ARHGEF28: variants seen among roughly 807,000 people sequenced by gnomAD.
ARHGEF28 encodes 190 kDa guanine nucleotide exchange factor.
ARHGEF28 carries 152 observed loss-of-function variants against 206.6 expected under a neutral mutation model. The observed-to-expected ratio is 0.74, with a 90% confidence interval of 0.64 to 0.84. The LOEUF (loss-of-function observed/expected upper bound fraction) is 0.84. ARHGEF28 is among the 40% of genes least tolerant of loss of function. ARHGEF28 has a pLI of 0.00. For synonymous variants in ARHGEF28, 763 were observed against 776.4 expected (o/e 0.98, Z 0.29); for missense variants, 2,028 against 2,073.2 (o/e 0.98, Z 0.42).
At chr5:73,677,547 C>T (rs1371542203) in intron 1 of ARHGEF28, among the ~76,000 whole-genome samples, 1 of 152,130 alleles carries the variant, frequency 6.6e-6, no homozygotes, top group African/African-American at 2.4e-5. Context: ...GATATTTTTC[C>T]ATGTAAATGT....
chr5:73,676,952 AT>A (rs1397633904), intron 1 of ARHGEF28, among the ~76,000 whole-genome samples: 3 of 152,242 alleles, frequency 2.0e-5, no homozygotes, highest in African/African-American at 7.2e-5. Context: ...TCATGATACT[AT>A]TCTTTATTAA....
At chr5:73,673,307 T>A (rs148103922) in intron 1 of ARHGEF28, among the ~76,000 whole-genome samples, 43 of 152,330 alleles carry the variant, frequency 2.8e-4, no homozygotes, top group African/African-American at 9.4e-4. Flanking sequence ...TAAGGAACTG[T>A]GAGTCAGCAT....
Position 73,911,271 on chromosome 5 carries a change from A to G in ARHGEF28, c.4648-4A>G. ...TTGTACTTTTCCTCTGTTTCTTTAC[A>G]CAGGTAATGGAACTTAATCGATCTG... On this transcript the variant is annotated splice_polypyrimidine_tract_variant and splice_region_variant and intron_variant, in intron 34 of 35. Transcript: ENST00000513042. 6.4e-7 allele frequency: 1 copy of G among 1,574,198 alleles called. No individual in the cohort carries two copies. Among genetic ancestry groups the G allele is most frequent in the Non-Finnish European group, 8.6e-7 (1 of 1,156,692 alleles).
chr5:73,844,739 A>C (rs1486574071), intron 11 of ARHGEF28, among the ~76,000 whole-genome samples: 1 of 147,176 alleles, frequency 6.8e-6, no homozygotes, highest in Non-Finnish European at 1.5e-5. Context: ...TTTTGTTATT[A>C]AAATTATAAC....
At chr5:73,795,602 G>T (rs1017471588) in intron 9 of ARHGEF28, 2 of 473,828 alleles carry the variant, frequency 4.2e-6, no homozygotes, top group African/African-American at 2.4e-5. Flanking sequence ...AAAAAACAAG[G>T]CAATCAAAGC....
At chr5:73,900,992 G>A in intron 30 of ARHGEF28, 192 bp from the exon 31 acceptor site, 1 of 507,174 alleles carries the variant, frequency 2.0e-6, no homozygotes, top group Non-Finnish European at 3.6e-6. Context: ...TAGCGTGTAA[G>A]CCCCATGTGG....
intron 4 of ARHGEF28, among the ~76,000 whole-genome samples, chr5:73,769,201 A>G (rs551758849): frequency 4.8e-4 from 73 of 152,092 alleles, no homozygotes; most frequent in African/African-American, 1.6e-3. Context: ...GTATATATAT[A>G]TGTGTGTGTG....
At chr5:73,750,953 A>G (rs1751990165) in intron 3 of ARHGEF28, among the ~76,000 whole-genome samples, 1 of 152,240 alleles carries the variant, frequency 6.6e-6, no homozygotes, top group African/African-American at 2.4e-5. Context: ...CAAACAACAC[A>G]GACACAGTGA....
rs568395619 is a variant in ARHGEF28, at chr5:73,674,581, C to G, written c.-11-10260C>G. Among the ~76,000 whole-genome samples, 3 of 152,322 alleles carry G rather than the reference C, an allele frequency of 2.0e-5. No homozygotes were observed. The South Asian group carries it at 6.2e-4, about 32-fold the overall frequency. On this transcript the variant is annotated intron_variant, in intron 1 of 35. Transcript: ENST00000513042. Reference sequence around the variant, plus strand: ...ATACAATGCCTAAACTCCTTAGAATCTCCCAAATGATGTATTTTTTATGCT... The same window carrying G: ...ATACAATGCCTAAACTCCTTAGAATGTCCCAAATGATGTATTTTTTATGCT...
intron 4 of ARHGEF28, among the ~76,000 whole-genome samples, chr5:73,761,821 G>T (rs1308436373): frequency 6.6e-6 from 1 of 152,008 alleles, no homozygotes; most frequent in African/African-American, 2.4e-5. Flanking sequence ...CTTAGAATTT[G>T]CTCAGCTCAA....
At chr5:73,895,536 T>A (rs1441948958) in intron 29 of ARHGEF28, among the ~76,000 whole-genome samples, 5 of 151,852 alleles carry the variant, frequency 3.3e-5, no homozygotes, top group Non-Finnish European at 7.4e-5. Context: ...GAGATGGAGA[T>A]AATGGTCTGA....
chr5:73,822,758 C>T (rs969543951), intron 9 of ARHGEF28, among the ~76,000 whole-genome samples: 4 of 152,058 alleles, frequency 2.6e-5, no homozygotes, highest in Admixed American at 1.3e-4. Context: ...GAGTAGCTTG[C>T]GTATACAGAC....
chr5:73,833,390 C>T (rs942959645), intron 10 of ARHGEF28, among the ~76,000 whole-genome samples: 2 of 151,810 alleles, frequency 1.3e-5, no homozygotes, highest in African/African-American at 4.8e-5. Flanking sequence ...AATTTCAGCC[C>T]TTCAGTAGCA....
intron 33 of ARHGEF28, 29 bp downstream of exon 33, chr5:73,904,434 T>C: frequency 6.3e-7 from 1 of 1,579,414 alleles, no homozygotes; most frequent in Non-Finnish European, 8.6e-7. Flanking sequence ...TCTTTGACCT[T>C]GTGAATGGTT....
chr5:73,848,530 T>C (rs1325140265), intron 12 of ARHGEF28, among the ~76,000 whole-genome samples: 1 of 152,184 alleles, frequency 6.6e-6, no homozygotes, highest in Admixed American at 6.5e-5. Context: ...AAAAATCTCT[T>C]ATAATTGTAA....
intron 2 of ARHGEF28, among the ~76,000 whole-genome samples, chr5:73,693,792 G>A (rs1398926567): frequency 6.6e-6 from 1 of 152,180 alleles, no homozygotes; most frequent in Non-Finnish European, 1.5e-5. Context: ...TTCTTTGCTG[G>A]CTTTTGTTTT....
At chr5:73,734,675 T>C (rs1750807220) in intron 2 of ARHGEF28, among the ~76,000 whole-genome samples, 1 of 152,164 alleles carries the variant, frequency 6.6e-6, no homozygotes, top group South Asian at 2.1e-4. Context: ...GGAAAATGAG[T>C]GCTCTGTTGA....
At chr5:73,888,857 A>G (rs765353216) in intron 26 of ARHGEF28, among the ~76,000 whole-genome samples, 6 of 152,198 alleles carry the variant, frequency 3.9e-5, no homozygotes, top group Non-Finnish European at 7.3e-5. Flanking sequence ...ACCAAATGGC[A>G]GAATGAAGAC....
chr5:73,700,871 A>G (rs1748556866), intron 2 of ARHGEF28, among the ~76,000 whole-genome samples: 1 of 152,240 alleles, frequency 6.6e-6, no homozygotes, highest in Admixed American at 6.5e-5. Context: ...TTTCGTAAGA[A>G]ACTGAAAACA....
Sources: allele counts gnomAD v4.1 joint callset (sites outside exome capture counted in the v4.1 genomes callset), GRCh38; gene constraint gnomAD v4.1.1; transcripts MANE v1.5; gene names NCBI Gene and HGNC (gene_info 2026-07-23, HGNC 2026-07-21).